The following BTC variants were observed in gnomAD, a reference collection of about 807,000 sequenced individuals.
BTC encodes the protein betacellulin.
A neutral mutation model predicts 18.1 loss-of-function variants in BTC; 13 were observed. That is an observed-to-expected ratio of 0.72 (90% CI 0.47 to 1.14). The LOEUF (loss-of-function observed/expected upper bound fraction) is 1.14, where lower values mean the gene tolerates loss of function less well. Among genes scored for constraint, BTC ranks in the 50% most tolerant of loss-of-function variants. The pLI is 0.00. For missense variants in BTC, 247 were observed against 224.2 expected (o/e 1.10, Z -0.65); for synonymous variants, 83 against 79.4 (o/e 1.05, Z -0.24).
chr4:74,786,561 TACA>T (rs1725482876), intron 1 of BTC, among the ~76,000 whole-genome samples: 1 of 152,184 alleles, frequency 6.6e-6, no homozygotes, highest in South Asian at 2.1e-4. Context: ...AACCCATGAA[TACA>T]ACAATTTGAT....
chr4:74,759,648 C>T (rs1176396551), intron 2 of BTC, among the ~76,000 whole-genome samples: 1 of 138,882 alleles, frequency 7.2e-6, no homozygotes, highest in Non-Finnish European at 1.6e-5. Flanking sequence ...AAAGACATGA[C>T]ATTTAAGTTA....
intron 1 of BTC, among the ~76,000 whole-genome samples, chr4:74,790,300 G>A (rs1239589947): frequency 6.6e-6 from 1 of 152,148 alleles, no homozygotes; most frequent in African/African-American, 2.4e-5. Flanking sequence ...TATGTTTGGG[G>A]CACATTTTGA....
At chr4:74,781,036 T>C (rs1016650060) in intron 1 of BTC, among the ~76,000 whole-genome samples, 4 of 152,018 alleles carry the variant, frequency 2.6e-5, no homozygotes, top group African/African-American at 9.7e-5. Context: ...CCTGTACTCA[T>C]AAGAACATAA....
At chr4:74,762,237 C>T (rs540058875) in intron 2 of BTC, among the ~76,000 whole-genome samples, 2 of 152,278 alleles carry the variant, frequency 1.3e-5, no homozygotes, top group Admixed American at 1.3e-4. Context: ...TTTTGATCTT[C>T]CCATGTGATT....
intron 2 of BTC, among the ~76,000 whole-genome samples, chr4:74,768,416 T>A (rs1026727889): frequency 2.6e-5 from 4 of 152,164 alleles, no homozygotes; most frequent in African/African-American, 9.7e-5. Flanking sequence ...TAGAATATTA[T>A]TCAGCCTTAC....
chr4:74,771,076 A>G (rs1725027159), intron 1 of BTC, among the ~76,000 whole-genome samples: 1 of 151,964 alleles, frequency 6.6e-6, no homozygotes, highest in Admixed American at 6.6e-5. Flanking sequence ...TAATTGCTGA[A>G]GCTGATGGTG....
chr4:74,769,233 CT>C (rs544900360), intron 2 of BTC, among the ~76,000 whole-genome samples: 53 of 152,030 alleles, frequency 3.5e-4, no homozygotes, highest in Non-Finnish European at 5.9e-4. Flanking sequence ...GTTTTGTTTT[CT>C]TTTTTTTAAG....
At chr4:74,782,451 C>T (rs137969726) in intron 1 of BTC, among the ~76,000 whole-genome samples, 3,997 of 152,260 alleles carry the variant, frequency 0.026, 165 homozygotes, top group African/African-American at 0.092. Flanking sequence ...TTTATGGTTG[C>T]ATAGTATTCC....
rs758091185 is a variant in BTC, at chr4:74,766,485, TA to T, written c.163+3572del. Among the ~76,000 whole-genome samples the T allele has an allele frequency of 2.4e-3, 370 of 152,218 alleles. 2 individuals are homozygous for T. The highest frequency in any genetic ancestry group is 4.0e-3 in the Non-Finnish European group (273 of 67,950). On this transcript the variant is annotated intron_variant, in intron 2 of 5. Coordinates refer to ENST00000395743, the MANE Select transcript of BTC (RefSeq NM_001729.4). ...GATGTCACAGAAATAAAAAGGATTA[TA>T]TTAGACTACCATGAAAATTGAATAA...
rs1215674677 is a variant in BTC, at chr4:74,746,561, T to C, written c.*116A>G. On this transcript the variant is annotated 3_prime_UTR_variant, in exon 6 of 6. Coordinates refer to ENST00000395743, the MANE Select transcript of BTC (RefSeq NM_001729.4). ...ACTAAAGTTGCAAATAAAAAGTAAATACATTATTTAAAATTCATGTCTACT... is the reference window on the plus strand; with the variant it reads ...ACTAAAGTTGCAAATAAAAAGTAAACACATTATTTAAAATTCATGTCTACT... 6.6e-6 allele frequency: 1 copy of C among 152,556 alleles called. No individual in the cohort carries two copies. Among genetic ancestry groups the C allele is most frequent in the Admixed American group, 6.6e-5 (1 of 15,264 alleles). 9.5% of individuals were successfully genotyped at this position (152,556 alleles called of 1,614,324 possible). A position where few individuals can be genotyped will look rare whatever the true frequency, so the allele number is the denominator to read the frequency against.
At chr4:74,750,004 G>A (rs1724416744) in intron 4 of BTC, among the ~76,000 whole-genome samples, 1 of 151,168 alleles carries the variant, frequency 6.6e-6, no homozygotes, top group Non-Finnish European at 1.5e-5. Flanking sequence ...GCTGAGGTAT[G>A]AGGATCGCTT....
intron 1 of BTC, among the ~76,000 whole-genome samples, chr4:74,787,794 T>C (rs1402496592): frequency 6.6e-6 from 1 of 152,160 alleles, no homozygotes; most frequent in Non-Finnish European, 1.5e-5. Flanking sequence ...CGTAAAGTCT[T>C]TTTTTTCCCA....
intron 2 of BTC, among the ~76,000 whole-genome samples, chr4:74,762,281 T>A (rs1724780615): frequency 6.6e-6 from 1 of 152,228 alleles, no homozygotes; most frequent in Admixed American, 6.5e-5. Context: ...AACAACACAC[T>A]TTCTAGAGAG....
intron 1 of BTC, among the ~76,000 whole-genome samples, chr4:74,789,025 AG>A (rs1247665476): frequency 1.3e-5 from 2 of 152,232 alleles, no homozygotes; most frequent in African/African-American, 4.8e-5. Context: ...GTTCACATCA[AG>A]ATCTCTGTGA....
chr4:74,776,157 G>A (rs745548017), intron 1 of BTC, among the ~76,000 whole-genome samples: 1 of 149,696 alleles, frequency 6.7e-6, no homozygotes, highest in African/African-American at 2.5e-5. Flanking sequence ...CATTGCTATA[G>A]CTCTGTTTTG....
intron 1 of BTC, among the ~76,000 whole-genome samples, chr4:74,770,609 C>T (rs1461811504): frequency 1.3e-5 from 2 of 152,016 alleles, no homozygotes; most frequent in Non-Finnish European, 1.5e-5. Flanking sequence ...GATATTTGAT[C>T]CATGAGAATT....
At chr4:74,755,385 A>G (rs1724570535) in intron 3 of BTC, among the ~76,000 whole-genome samples, 1 of 152,226 alleles carries the variant, frequency 6.6e-6, no homozygotes, top group Admixed American at 6.5e-5. Flanking sequence ...TTTTCTCCCA[A>G]TTCCCCACTA....
At chr4:74,757,589 A>G (rs1408636017) in intron 2 of BTC, among the ~76,000 whole-genome samples, 5 of 152,234 alleles carry the variant, frequency 3.3e-5, no homozygotes, top group African/African-American at 1.2e-4. Context: ...GCAGAGCTCT[A>G]TAATAGGCAC....
intron 1 of BTC, among the ~76,000 whole-genome samples, chr4:74,776,387 T>C (rs1164974563): frequency 6.6e-6 from 1 of 152,206 alleles, no homozygotes; most frequent in Non-Finnish European, 1.5e-5. Context: ...CTGCATTTGC[T>C]AAGTGACTAG....
Sources: gnomAD v4.1 joint callset for allele counts (sites outside exome capture counted in the v4.1 genomes callset) on GRCh38, gnomAD v4.1.1 for gene constraint, MANE v1.5 for transcripts, NCBI Gene and HGNC (gene_info 2026-07-23, HGNC 2026-07-21) for gene names.